The following LRRTM4 variants were observed in gnomAD, a reference collection of about 807,000 sequenced individuals.
LRRTM4 encodes the protein leucine-rich repeat transmembrane neuronal protein 4.
A neutral mutation model predicts 47.6 loss-of-function variants in LRRTM4; 25 were observed. That is an observed-to-expected ratio of 0.53 (90% CI 0.38 to 0.73). The LOEUF (loss-of-function observed/expected upper bound fraction) is 0.73. LRRTM4 is among the 30% of genes least tolerant of loss of function. LRRTM4 has a pLI of 0.00. For synonymous variants in LRRTM4, 311 were observed against 269.5 expected (o/e 1.15, Z -1.51); for missense variants, 638 against 713.4 (o/e 0.89, Z 1.20).
intron 3 of LRRTM4, among the ~76,000 whole-genome samples, chr2:77,113,664 G>A (rs2103940332): frequency 6.6e-6 from 1 of 152,148 alleles, no homozygotes; most frequent in Admixed American, 6.5e-5. Context: ...AGAAGAGGCA[G>A]AAGTGCACTG....
At chr2:77,354,541 A>G (rs1344063062) in intron 3 of LRRTM4, among the ~76,000 whole-genome samples, 1 of 152,124 alleles carries the variant, frequency 6.6e-6, no homozygotes, top group Non-Finnish European at 1.5e-5. Flanking sequence ...CCTTGAAACC[A>G]GTCATCATGG....
chr2:76,934,168 ACT>A (rs1195662708), intron 3 of LRRTM4, among the ~76,000 whole-genome samples: 1 of 152,174 alleles, frequency 6.6e-6, no homozygotes, highest in Non-Finnish European at 1.5e-5. Context: ...TATGCTTGTC[ACT>A]CACATAATTT....
At chr2:76,995,175 G>A (rs17406009) in intron 3 of LRRTM4, among the ~76,000 whole-genome samples, 19,475 of 151,954 alleles carry the variant, frequency 0.13, 1,512 homozygotes, top group Admixed American at 0.2. Context: ...GAATAATTAC[G>A]AATGGAAAGA....
At chr2:77,051,884 GC>G (rs1450649628) in intron 3 of LRRTM4, among the ~76,000 whole-genome samples, 2 of 152,154 alleles carry the variant, frequency 1.3e-5, no homozygotes, top group Non-Finnish European at 2.9e-5. Flanking sequence ...ATGTAAATCA[GC>G]CATCCATTTC....
intron 3 of LRRTM4, among the ~76,000 whole-genome samples, chr2:76,832,888 C>T (rs1333434153): frequency 2.0e-5 from 3 of 151,992 alleles, no homozygotes; most frequent in African/African-American, 4.8e-5. Context: ...CATGCTGACT[C>T]GTGTAACCCA....
At chr2:77,323,445 G>T (rs542029880) in intron 3 of LRRTM4, among the ~76,000 whole-genome samples, 1 of 152,126 alleles carries the variant, frequency 6.6e-6, no homozygotes, top group African/African-American at 2.4e-5. Context: ...TCCACCCTAC[G>T]TTTGAACTTT....
intron 3 of LRRTM4, among the ~76,000 whole-genome samples, chr2:77,513,966 T>A (rs774811764): frequency 6.6e-6 from 1 of 152,120 alleles, no homozygotes; most frequent in Non-Finnish European, 1.5e-5. Flanking sequence ...TACTAATAAT[T>A]TAAATTGTCG....
chr2:77,121,398 T>G (rs1313637648), intron 3 of LRRTM4, among the ~76,000 whole-genome samples: 1 of 151,802 alleles, frequency 6.6e-6, no homozygotes, highest in Non-Finnish European at 1.5e-5. Flanking sequence ...ATAAATAGTG[T>G]TGCACTTCTC....
At chr2:77,037,423 T>C (rs1209994212) in intron 3 of LRRTM4, among the ~76,000 whole-genome samples, 2 of 151,744 alleles carry the variant, frequency 1.3e-5, no homozygotes, top group Non-Finnish European at 3.0e-5. Context: ...TCTGTAACCA[T>C]TGCTTAATCC....
chr2:77,057,356 T>C (rs1027131881), intron 3 of LRRTM4, among the ~76,000 whole-genome samples: 2 of 152,162 alleles, frequency 1.3e-5, no homozygotes, highest in African/African-American at 4.8e-5. Flanking sequence ...GTACTTATCA[T>C]TGAAAGCAAT....
At chr2:77,482,611 T>C (rs1370907786) in intron 3 of LRRTM4, among the ~76,000 whole-genome samples, 1 of 152,208 alleles carries the variant, frequency 6.6e-6, no homozygotes, top group Non-Finnish European at 1.5e-5. Flanking sequence ...TAAAGACTGG[T>C]ACATTTTTAG....
intron 3 of LRRTM4, among the ~76,000 whole-genome samples, chr2:76,803,920 C>T (rs1386561967): frequency 6.6e-6 from 1 of 152,144 alleles, no homozygotes; most frequent in East Asian, 1.9e-4. Context: ...ACATGACTAG[C>T]ACGCAACAAA....
At chr2:77,252,309 A>G (rs142878419) in intron 3 of LRRTM4, among the ~76,000 whole-genome samples, 1 of 152,132 alleles carries the variant, frequency 6.6e-6, no homozygotes, top group Non-Finnish European at 1.5e-5. Flanking sequence ...GGTACCCTAC[A>G]TACACTTGGG....
At chr2:76,854,270 G>A (rs983823494) in intron 3 of LRRTM4, among the ~76,000 whole-genome samples, 2 of 152,096 alleles carry the variant, frequency 1.3e-5, no homozygotes, top group Non-Finnish European at 2.9e-5. Context: ...TGAGGGGTTA[G>A]TATTATTATT....
chr2:77,128,406 A>ATAGATAGC (rs1671709546), intron 3 of LRRTM4, among the ~76,000 whole-genome samples: 2 of 152,114 alleles, frequency 1.3e-5, no homozygotes, highest in Admixed American at 6.5e-5. Context: ...AGATAGATAG[A>ATAGATAGC]TAGATAGATA....
rs540653570 is a variant in LRRTM4, at chr2:76,780,551, C to T, written c.1552-31635G>A. ...TACCCTTTTTTCCAGTTGATCGCAT[C>T]GGCTCCTGAGGCTTCTGCATTCTTC... On this transcript the variant is annotated intron_variant, in intron 3 of 3. Coordinates refer to ENST00000409884, the MANE Select transcript of LRRTM4 (RefSeq NM_001134745.3). 8.3e-4 allele frequency among the ~76,000 whole-genome samples: 126 copies of T among 152,196 alleles called. 1 individual carries two copies. Among genetic ancestry groups the T allele is most frequent in the African/African-American group, 2.6e-3 (108 of 41,546 alleles).
chr2:76,887,975 T>C (rs988152718), intron 3 of LRRTM4, among the ~76,000 whole-genome samples: 2 of 150,874 alleles, frequency 1.3e-5, no homozygotes, highest in Non-Finnish European at 3.0e-5. Context: ...TCTCTCTGTA[T>C]ATATTTATAT....
intron 3 of LRRTM4, among the ~76,000 whole-genome samples, chr2:77,479,781 CTCTCTT>C (rs924440840): frequency 4.0e-5 from 6 of 151,716 alleles, no homozygotes; most frequent in African/African-American, 7.3e-5. Context: ...CTCTCCATCT[CTCTCTT>C]TCTCTTTCTC....
intron 3 of LRRTM4, among the ~76,000 whole-genome samples, chr2:77,073,532 AATC>A (rs1680232593): frequency 6.6e-6 from 1 of 152,144 alleles, no homozygotes; most frequent in African/African-American, 2.4e-5. Flanking sequence ...GATCCACACA[AATC>A]ATTAGCATTT....
Sources: allele counts gnomAD v4.1 joint callset (sites outside exome capture counted in the v4.1 genomes callset), GRCh38; gene constraint gnomAD v4.1.1; transcripts MANE v1.5; gene names NCBI Gene and HGNC (gene_info 2026-07-23, HGNC 2026-07-21).